The following NCOR1 variants were observed in gnomAD, a reference collection of about 807,000 sequenced individuals.
The protein encoded by NCOR1 is nuclear receptor corepressor 1.
A neutral mutation model predicts 288.1 loss-of-function variants in NCOR1; 63 were observed. That is an observed-to-expected ratio of 0.22 (90% CI 0.18 to 0.27). NCOR1 has a LOEUF of 0.27. Ranked by LOEUF, NCOR1 falls within the 10% of genes least tolerant of loss-of-function variation. NCOR1 has a pLI of 1.00. For missense variants in NCOR1, 2,397 were observed against 3,019.2 expected, an observed-to-expected ratio of 0.79 and a Z score of 4.83; for synonymous variants, 1,007 against 1,065.9, an observed-to-expected ratio of 0.94 and a Z score of 1.08.
chr17:16,067,337 G>A (rs2061244530), intron 32 of NCOR1, among the ~76,000 whole-genome samples: 1 of 152,228 alleles, frequency 6.6e-6, no homozygotes, highest in South Asian at 2.1e-4. Flanking sequence ...AACAGCTTTG[G>A]AAAGAGTTGA....
rs114743601 is a variant in NCOR1 at position 16,044,787 on chromosome 17, T to C, written c.6679+2164A>G. ...GCAATGGCCCTGGCCAATGTCAACA[T>C]TGGGAGCCTCATCTACAATGTAGGG... is the stretch of plus-strand genomic sequence containing the variant. On this transcript the variant is annotated intron_variant, in intron 42 of 45. Transcript: ENST00000268712. The C allele has an allele frequency of 3.1e-3, 3,405 of 1,087,832 alleles. 47 individuals carry two copies. The highest frequency in any genetic ancestry group is 0.031 in the African/African-American group (2,003 of 64,402). The allele number at this position is 1,087,832 out of a possible 1,614,324, so 67.4% of individuals were successfully genotyped here.
intron 14 of NCOR1, among the ~76,000 whole-genome samples, chr17:16,129,373 T>C (rs2075259178): frequency 1.3e-5 from 2 of 152,240 alleles, no homozygotes; most frequent in Admixed American, 1.3e-4. Flanking sequence ...GTGAGAACTG[T>C]ACCTACTATT....
chr17:16,079,377 A>C (rs1468283473), intron 26 of NCOR1, among the ~76,000 whole-genome samples: 3 of 152,256 alleles, frequency 2.0e-5, no homozygotes, highest in Non-Finnish European at 4.4e-5. Flanking sequence ...TTCCCAAAAC[A>C]GAATTTTCCC....
rs373493484 is a variant in NCOR1 at position 16,107,065 on chromosome 17, T to G, written c.2182+1721A>C. Among the ~76,000 whole-genome samples the G allele has an allele frequency of 9.3e-3, 1,414 of 151,332 alleles. 17 individuals carry two copies. The highest frequency in any genetic ancestry group is 0.032 in the African/African-American group (1,325 of 41,232). Reference sequence around the variant, plus strand: ...CCGCCACCATGCCCGGCTAACTTTTTTTTGTATTTTTAGTAGAGACGGGGT... The same window carrying G: ...CCGCCACCATGCCCGGCTAACTTTTGTTTGTATTTTTAGTAGAGACGGGGT... On this transcript the variant is annotated intron_variant, in intron 19 of 45. Coordinates refer to ENST00000268712, the MANE Select transcript of NCOR1 (RefSeq NM_006311.4).
intron 6 of NCOR1, among the ~76,000 whole-genome samples, chr17:16,153,620 C>T (rs2079212462): frequency 6.6e-6 from 1 of 152,074 alleles, no homozygotes; most frequent in Non-Finnish European, 1.5e-5. Context: ...ATTGTCATAG[C>T]TTTCCTCACC....
rs1446543994 is a variant in NCOR1 at position 16,201,813 on chromosome 17, AG to A, written c.-70-7175del. Among the ~76,000 whole-genome samples, 26 of 151,270 alleles carry A rather than the reference AG, an allele frequency of 1.7e-4. No individual in the cohort carries two copies. In the East Asian group the frequency reaches 5.0e-3, roughly 29 times the overall value. ...AACAAACATATTTCAAAGCCAGCCA[AG>A]CGCGGTGGCTCACGTCTGTAATCCC... is the stretch of plus-strand genomic sequence containing the variant. On this transcript the variant is annotated intron_variant, in intron 1 of 45. Coordinates refer to ENST00000268712, the MANE Select transcript of NCOR1 (RefSeq NM_006311.4).
At chr17:16,044,634 CCG>C in intron 42 of NCOR1, 2 of 624,746 alleles carry the variant, frequency 3.2e-6, no homozygotes, top group Non-Finnish European at 6.2e-6. Context: ...TCCTCTGTCT[CCG>C]AGCTCGCCTG....
chr17:16,044,043 C>T (rs943244994), intron 42 of NCOR1, among the ~76,000 whole-genome samples: 2 of 151,864 alleles, frequency 1.3e-5, no homozygotes, highest in Non-Finnish European at 2.9e-5. Context: ...GTGGCTGGTG[C>T]CTGTAATCCC....
chr17:16,127,712 T>A (rs1198703109), intron 14 of NCOR1, among the ~76,000 whole-genome samples: 2 of 135,258 alleles, frequency 1.5e-5, no homozygotes, highest in Non-Finnish European at 3.3e-5. Context: ...TATATGTGTG[T>A]GTATATATAC....
At chr17:16,146,748 G>T (rs944285855) in intron 9 of NCOR1, among the ~76,000 whole-genome samples, 200 bp from the exon 10 acceptor site, 9 of 152,158 alleles carry the variant, frequency 5.9e-5, no homozygotes, top group Non-Finnish European at 2.9e-5. Context: ...TAGAGCACAG[G>T]TTGGCTGGAT....
intron 11 of NCOR1, among the ~76,000 whole-genome samples, chr17:16,141,282 A>G (rs1035756661): frequency 1.3e-5 from 2 of 152,122 alleles, no homozygotes; most frequent in African/African-American, 4.8e-5. Context: ...GTCCCTAAAG[A>G]GTTATGTATT....
chr17:16,167,795 G>C (rs1389279001), intron 4 of NCOR1, among the ~76,000 whole-genome samples: 1 of 142,920 alleles, frequency 7.0e-6, no homozygotes, highest in African/African-American at 2.5e-5. Context: ...GGGAGGCGGA[G>C]GTTGCAGTGA....
At chr17:16,063,910 C>T (rs1431537034) in intron 35 of NCOR1, among the ~76,000 whole-genome samples, 158 bp downstream of exon 35, 3 of 152,238 alleles carry the variant, frequency 2.0e-5, no homozygotes, top group African/African-American at 7.2e-5. Context: ...ACCATCTCAG[C>T]TGCTACAGCA....
chr17:16,092,647 TTATATATATATATA>T (rs10592611), intron 21 of NCOR1, among the ~76,000 whole-genome samples: 408 of 31,996 alleles, frequency 0.013, 6 homozygotes, highest in Middle Eastern at 0.031. Flanking sequence ...TCAGATCCAT[TTATATATATATATA>T]TATATATATA....
chr17:16,208,208 T>C (rs1474285709), intron 1 of NCOR1, among the ~76,000 whole-genome samples: 1 of 106,814 alleles, frequency 9.4e-6, no homozygotes, highest in Admixed American at 9.3e-5. Context: ...GCCCAGCTAT[T>C]TTTTTTTTTT....
At chr17:16,202,223 CAAAAAA>C (rs35812448) in intron 1 of NCOR1, among the ~76,000 whole-genome samples, 12 of 97,400 alleles carry the variant, frequency 1.2e-4, no homozygotes, top group African/African-American at 2.6e-4. Context: ...GACTCCATCT[CAAAAAA>C]AAAAAAAAAA....
intron 23 of NCOR1, 90 bp from the exon 24 acceptor site, chr17:16,080,817 G>A: frequency 8.7e-7 from 1 of 1,145,718 alleles, no homozygotes; most frequent in Non-Finnish European, 1.2e-6. Context: ...TCCCATTTCT[G>A]TTTAAAAAAA....
At chr17:16,209,346 C>T (rs2091898620) in intron 1 of NCOR1, among the ~76,000 whole-genome samples, 1 of 151,660 alleles carries the variant, frequency 6.6e-6, no homozygotes, top group Non-Finnish European at 1.5e-5. Flanking sequence ...CAAAATAGCC[C>T]AAGTAGAATA....
At chr17:16,134,065 G>A (rs1490291687) in intron 14 of NCOR1, among the ~76,000 whole-genome samples, 1 of 152,158 alleles carries the variant, frequency 6.6e-6, no homozygotes, top group African/African-American at 2.4e-5. Flanking sequence ...TGTCACAACT[G>A]AAATCTGGCA....
Sources: gnomAD v4.1 joint callset for allele counts (sites outside exome capture counted in the v4.1 genomes callset) on GRCh38, gnomAD v4.1.1 for gene constraint, MANE v1.5 for transcripts, NCBI Gene and HGNC (gene_info 2026-07-23, HGNC 2026-07-21) for gene names.